CAMSAP3: variants seen among roughly 807,000 people sequenced by gnomAD.
CAMSAP3 encodes calmodulin-regulated spectrin-associated protein 3.
CAMSAP3 carries 34 observed loss-of-function variants against 112.5 expected under a neutral mutation model. The observed-to-expected ratio is 0.30, with a 90% CI of 0.23 to 0.40. The LOEUF is 0.40. Ranked by LOEUF, CAMSAP3 falls within the 10% of genes least tolerant of loss-of-function variation. The pLI, the probability that CAMSAP3 is intolerant of heterozygous loss-of-function variation, is 1.00. For synonymous variants in CAMSAP3, 868 were observed against 799.8 expected, an observed-to-expected ratio of 1.09 and a Z score of -1.44; for missense variants, 1,602 against 1,770.3, an observed-to-expected ratio of 0.90 and a Z score of 1.71.
Position 7,595,907 on chromosome 19 carries a change from G to GGTAGCAGCA in CAMSAP3, c.-94_-86dup. Reference sequence around the variant, plus strand: ...CGGCGGCGGCGGCGGCGGCAGCGGCGGTAGCAGCAGCGGGCCCGGCTGGGG... The same window carrying GGTAGCAGCA: ...CGGCGGCGGCGGCGGCGGCAGCGGCGGTAGCAGCAGTAGCAGCAGCGGGCCCGGCTGGGG... On this transcript the variant is annotated 5_prime_UTR_variant, in exon 1 of 17. Coordinates refer to ENST00000160298, the MANE Select transcript of CAMSAP3 (RefSeq NM_020902.2). 3 of 554,698 alleles carry GGTAGCAGCA rather than the reference G, an allele frequency of 5.4e-6. No homozygotes were observed. The highest frequency in any genetic ancestry group is 6.8e-6 in the Non-Finnish European group (3 of 438,192). The allele number at this position is 554,698 out of a possible 1,614,324, so 34.4% of individuals were successfully genotyped here.
Position 7,617,311 on chromosome 19 carries a change from CT to C in CAMSAP3, c.3213-13del, listed in dbSNP as rs575804971. 319 of 1,594,260 alleles carry C rather than the reference CT, an allele frequency of 2.0e-4. No individual in the cohort carries two copies. In the African/African-American group the frequency reaches 3.7e-3, roughly 19 times the overall value. On this transcript the variant is annotated splice_polypyrimidine_tract_variant and intron_variant, in intron 14 of 16. Transcript: ENST00000160298. The surrounding 1 kb of genome is among the most constrained non-coding windows in gnomAD (Gnocchi z 7.5). The stretch of plus-strand genomic sequence containing the variant: ...ATCCTGACCCCACCTCCATCCCATC[CT>C]TCTCCCACTGCAGGGCTCCCTCCCC...
At chr19:7,609,927 G>A (rs2030388643) in intron 5 of CAMSAP3, among the ~76,000 whole-genome samples, 2 of 152,278 alleles carry the variant, frequency 1.3e-5, no homozygotes, top group South Asian at 4.1e-4. Flanking sequence ...GGGAGCGGCT[G>A]TAAATACACT....
At position 7,615,700 on chromosome 19, in the gene CAMSAP3, C is replaced by A; in HGVS notation, c.3093C>A (p.Ser1031Arg). ...GCCDDSALAR[S>R]PARGLLGSRL... ...GTGACGACTCAGCCCTGGCACGAAG[C>A]CCAGCCCGCGGCCTGCTGGGTGAGG... The change falls in exon 13 of 17, where the codon AGC (serine) becomes AGA (arginine). Residue 1031 changes from serine to arginine, a missense_variant. Physicochemically the swap from Ser to Arg is moderately radical, Grantham distance 110. This residue lies in a region of CAMSAP3 where 1,100 missense variants were observed against 1,135.7 expected (regional missense o/e 0.97). Transcript: ENST00000160298. The surrounding 1 kb of genome is among the most constrained non-coding windows in gnomAD (Gnocchi z 6.5). The A allele has an allele frequency of 7.1e-7, 1 of 1,409,074 alleles. No homozygotes were observed. Among genetic ancestry groups the A allele is most frequent in the Admixed American group, 3.2e-5 (1 of 31,496 alleles). The allele number at this position is 1,409,074 out of a possible 1,614,324, so 87.3% of individuals were successfully genotyped here.
At chr19:7,616,287 G>T (rs1210481419) in intron 13 of CAMSAP3, 4 of 488,582 alleles carry the variant, frequency 8.2e-6, no homozygotes, top group African/African-American at 1.9e-5. Flanking sequence ...GGAACCTTTG[G>T]GAGTATGTTT....
Position 7,610,398 on chromosome 19 carries a change from G to A in CAMSAP3, c.761-78G>A. 7.4e-7 allele frequency: 1 copy of A among 1,349,852 alleles called. No homozygotes were observed. The highest frequency in any genetic ancestry group is 2.3e-5 in the East Asian group (1 of 43,370). 83.6% of individuals were successfully genotyped at this position (1,349,852 alleles called of 1,614,324 possible). A position where few individuals can be genotyped will look rare whatever the true frequency, so the allele number is the denominator to read the frequency against. On this transcript the variant is annotated intron_variant, in intron 5 of 16. Transcript: ENST00000160298. The surrounding 1 kb of genome is among the most constrained non-coding windows in gnomAD (Gnocchi z 4.9). Reference sequence around the variant, plus strand: ...CATAGGAGGTCTTCCGTGTGTGGGGGACTGCTGGTCCCTGGCTTCCCTGGG... The same window carrying A: ...CATAGGAGGTCTTCCGTGTGTGGGGAACTGCTGGTCCCTGGCTTCCCTGGG...
In CAMSAP3 at chr19:7,613,042, G is replaced by T. The variant is rs1452356727; in HGVS notation, c.2549G>T (p.Ser850Ile). 2.6e-6 allele frequency: 4 copies of T among 1,552,666 alleles called. No homozygotes were observed. The highest frequency in any genetic ancestry group is 3.5e-6 in the Non-Finnish European group (4 of 1,149,462). The change falls in exon 11 of 17, where the codon AGC (serine) becomes ATC (isoleucine). Residue 850 changes from serine (S) to isoleucine (I), a missense_variant. Coordinates refer to ENST00000160298, the MANE Select transcript of CAMSAP3 (RefSeq NM_020902.2). ...GGCCTCATCGAGATCCCGCTGGGCA[G>T]CCTGGCAGATCCCGCCGCCGAGGAC... is the stretch of plus-strand genomic sequence containing the variant. ...RPGLIEIPLGSLADPAAEDEG... is the reference protein window; with the variant it reads ...RPGLIEIPLGILADPAAEDEG...
rs2030405815 is a variant in CAMSAP3 at position 7,610,248 on chromosome 19, G to A, written c.761-228G>A. Among the ~76,000 whole-genome samples, 1 of 151,614 alleles carries A rather than the reference G, an allele frequency of 6.6e-6. No homozygotes were observed. The highest frequency in any genetic ancestry group is 2.4e-5 in the African/African-American group (1 of 41,198). On this transcript the variant is annotated intron_variant, in intron 5 of 16. Coordinates refer to ENST00000160298, the MANE Select transcript of CAMSAP3 (RefSeq NM_020902.2). This position sits in a 1 kb window ranked among gnomAD's most constrained non-coding sequence, Gnocchi z 4.9. The stretch of plus-strand genomic sequence containing the variant: ...TGGGAGAATCACTTGAACCCGGGAG[G>A]CAGAGGTTGCAGTGAGCTGGGATTG...
rs370407145 is a variant in CAMSAP3, at chr19:7,612,828, C to T, written c.2335C>T (p.Arg779Cys). ...SPGPGPSQSP[R>C]SPKHTRPAEL... ...TGGGCCCGGGCCCAGCCAGTCACCCCGCAGCCCGAAACACACGCGGCCAGC... is the reference window on the plus strand; with the variant it reads ...TGGGCCCGGGCCCAGCCAGTCACCCTGCAGCCCGAAACACACGCGGCCAGC... Residue 779 changes from arginine (R) to cysteine (C), a missense_variant, in exon 11 of 17, where the codon CGC becomes TGC. Around this residue, in one of 6 missense-constraint regions of CAMSAP3, gnomAD observed 1,100 missense variants for 1,135.7 expected, o/e 0.97. Transcript: ENST00000160298. The T allele has an allele frequency of 4.3e-4, 669 of 1,568,570 alleles. 1 individual carries two copies. Among genetic ancestry groups the T allele is most frequent in the Admixed American group, 9.2e-4 (52 of 56,610 alleles).
intron 1 of CAMSAP3, among the ~76,000 whole-genome samples, chr19:7,599,310 T>TCCAC (rs1438416224): frequency 3.1e-5 from 1 of 32,382 alleles, no homozygotes; most frequent in African/African-American, 1.2e-4. Context: ...CACTCATCCA[T>TCCAC]CCACCCACCC....
Position 7,615,742 on chromosome 19 carries a change from G to T in CAMSAP3, c.3112+23G>T. On this transcript the variant is annotated intron_variant, in intron 13 of 16. Coordinates refer to ENST00000160298, the MANE Select transcript of CAMSAP3 (RefSeq NM_020902.2). This position sits in a 1 kb window ranked among gnomAD's most constrained non-coding sequence, Gnocchi z 6.5. ...TGGGTGAGGACCCTTGGGGGACGGG[G>T]CCTGCCCAGTGCCCTTTCCGGGGCT... is the stretch of plus-strand genomic sequence containing the variant. 3 of 1,371,682 alleles carry T rather than the reference G, an allele frequency of 2.2e-6. No individual in the cohort carries two copies. Among genetic ancestry groups the T allele is most frequent in the Non-Finnish European group, 1.9e-6 (2 of 1,068,178 alleles). 85.0% of individuals were successfully genotyped at this position (1,371,682 alleles called of 1,614,324 possible). A position where few individuals can be genotyped will look rare whatever the true frequency, so the allele number is the denominator to read the frequency against.
At chr19:7,616,053 A>G (rs62113428) in intron 13 of CAMSAP3, among the ~76,000 whole-genome samples, 29,472 of 151,838 alleles carry the variant, frequency 0.19, 3,023 homozygotes, top group Non-Finnish European at 0.23. Context: ...AGCCGGGCAT[A>G]TGGCATGCCT....
rs745590863 is a variant in CAMSAP3, at chr19:7,606,470, C to T, written c.526-6C>T. ...CCAGACCACTGACCCCCTCCCTGCC[C>T]TCCAGACCGTCCGGCGGCTGCAGGA... On this transcript the variant is annotated splice_polypyrimidine_tract_variant and splice_region_variant and intron_variant, in intron 3 of 16. Transcript: ENST00000160298. 3.1e-6 allele frequency: 5 copies of T among 1,601,888 alleles called. No individual in the cohort carries two copies. In the South Asian group the frequency reaches 4.4e-5, roughly 14 times the overall value.
chr19:7,616,862 A>G (rs1320669308), intron 14 of CAMSAP3, among the ~76,000 whole-genome samples: 1 of 150,906 alleles, frequency 6.6e-6, no homozygotes, highest in Non-Finnish European at 1.5e-5. Context: ...GGAGGAGGAC[A>G]GCACGGGGCA....
chr19:7,602,205 A>C (rs1352913517), intron 1 of CAMSAP3, among the ~76,000 whole-genome samples: 1 of 152,220 alleles, frequency 6.6e-6, no homozygotes, highest in Non-Finnish European at 1.5e-5. Flanking sequence ...TGTACTACTG[A>C]CGTCTAGTAA....
intron 2 of CAMSAP3, 115 bp from the exon 3 acceptor site, chr19:7,606,156 A>ACCCCCCCCCCCCCCCCCCCCCCCCCCCCC: frequency 8.9e-6 from 2 of 224,848 alleles, no homozygotes; most frequent in Non-Finnish European, 1.7e-5. Context: ...CTCAAGCCCC[A>ACCCCCCCCCCCCCCCCCCCCCCCCCCCCC]CCCCCCCCGT....
Position 7,615,590 on chromosome 19 carries a change from G to T in CAMSAP3, c.2983G>T (p.Asp995Tyr). The T allele has an allele frequency of 3.3e-6, 5 of 1,495,344 alleles. No individual in the cohort carries two copies. The highest frequency in any genetic ancestry group is 4.5e-6 in the Non-Finnish European group (5 of 1,122,518). 92.6% of individuals were successfully genotyped at this position (1,495,344 alleles called of 1,614,324 possible). A position where few individuals can be genotyped will look rare whatever the true frequency, so the allele number is the denominator to read the frequency against. ...RAQLKLMDDL[D>Y]KVLRPRAAGS... ...CCAGCTGAAGCTGATGGACGACCTC[G>T]ATAAGGTGCTGCGGCCCCGGGCTGC... The change falls in exon 13 of 17, where the codon GAT becomes TAT. Residue 995 changes from aspartate (D) to tyrosine (Y), a missense_variant. Transcript: ENST00000160298. The surrounding 1 kb of genome is among the most constrained non-coding windows in gnomAD (Gnocchi z 6.5).
chr19:7,595,880 G>GGCGGCA lies in CAMSAP3; in HGVS notation c.-118_-117insAGCGGC. ...AAGCGGCCGCACCTGGCTCAGCAGC[G>GGCGGCA]GCGGCGGCGGCGGCGGCGGCAGCGG... is the stretch of plus-strand genomic sequence containing the variant. On this transcript the variant is annotated 5_prime_UTR_variant, in exon 1 of 17. Transcript: ENST00000160298. 1 of 98,404 alleles carries GGCGGCA rather than the reference G, an allele frequency of 1.0e-5. No individual in the cohort carries two copies. The highest frequency in any genetic ancestry group is 2.1e-5 in the Non-Finnish European group (1 of 47,592). 6.1% of individuals were successfully genotyped at this position (98,404 alleles called of 1,614,324 possible). A position where few individuals can be genotyped will look rare whatever the true frequency, so the allele number is the denominator to read the frequency against.
At position 7,611,751 on chromosome 19, in the gene CAMSAP3, G is replaced by C. The variant is rs779535507; in HGVS notation, c.1258G>C (p.Val420Leu). The stretch of plus-strand genomic sequence containing the variant: ...TGGCCTGGACAGCGACGTGGATGTC[G>C]TCATGGGAGACCCTGTGCTCCTCCG... ...PFGLDSDVDV[V>L]MGDPVLLRSV... The change falls in exon 11 of 17, where the codon GTC becomes CTC. Residue 420 changes from valine to leucine, a missense_variant. Physicochemically the swap from Val to Leu is conservative, Grantham distance 32 (BLOSUM62 1). Coordinates refer to ENST00000160298, the MANE Select transcript of CAMSAP3 (RefSeq NM_020902.2). This position sits in a 1 kb window ranked among gnomAD's most constrained non-coding sequence, Gnocchi z 6.9. The C allele has an allele frequency of 1.1e-5, 18 of 1,582,590 alleles. No individual in the cohort carries two copies. The highest frequency in any genetic ancestry group is 2.2e-5 in the East Asian group (1 of 44,552).
Position 7,609,954 on chromosome 19 carries a change from C to T in CAMSAP3, c.761-522C>T, listed in dbSNP as rs552628062. 5.3e-5 allele frequency among the ~76,000 whole-genome samples: 8 copies of T among 152,266 alleles called. No homozygotes were observed. In the South Asian group the frequency reaches 8.3e-4, roughly 16 times the overall value. On this transcript the variant is annotated intron_variant, in intron 5 of 16. Coordinates refer to ENST00000160298, the MANE Select transcript of CAMSAP3 (RefSeq NM_020902.2). ...AAATACACTCACTGCAGCTCACCTG[C>T]TGTACGGTTCAGTTCCTGACAGGCC...
Sources: gnomAD v4.1 joint callset for allele counts (sites outside exome capture counted in the v4.1 genomes callset) on GRCh38, gnomAD v4.1.1 for gene constraint, gnomAD v4.1.1 regional missense constraint, Gnocchi (gnomAD v3.1) non-coding constraint, MANE v1.5 for transcripts, NCBI Gene and HGNC (gene_info 2026-07-23, HGNC 2026-07-21) for gene names.